The following PDGFC variants were observed in gnomAD, a reference collection of about 807,000 sequenced individuals.
PDGFC encodes the protein platelet derived growth factor C.
PDGFC carries 12 observed loss-of-function variants against 35.5 expected under a neutral mutation model. The ratio of observed to expected loss-of-function variants is 0.34; its 90% CI spans 0.22 to 0.55. The LOEUF (loss-of-function observed/expected upper bound fraction) is 0.55, where lower values mean the gene tolerates loss of function less well. Ranked by LOEUF, PDGFC falls within the 20% of genes least tolerant of loss-of-function variation. The pLI, the probability that PDGFC is intolerant of heterozygous loss-of-function variation, is 0.91. For synonymous variants in PDGFC, 159 were observed against 148.8 expected (o/e 1.07, Z -0.50); for missense variants, 322 against 412.4 (o/e 0.78, Z 1.90).
intron 1 of PDGFC, among the ~76,000 whole-genome samples, chr4:156,868,663 CAGTTTTCTATCAGTGAACCACCTGCT>C (rs1729904780): frequency 6.6e-6 from 1 of 152,156 alleles, no homozygotes; most frequent in Admixed American, 6.5e-5. Flanking sequence ...ACTGTTATAA[CAGTTTTCTATCAGTGAACCACCTGCT>C]AGTTCTTAAT....
chr4:156,936,522 T>C (rs1731687414), intron 1 of PDGFC, among the ~76,000 whole-genome samples: 1 of 152,228 alleles, frequency 6.6e-6, no homozygotes, highest in South Asian at 2.1e-4. Context: ...AGCACTCAGC[T>C]TTCTGTTCTT....
At chr4:156,917,898 A>T (rs1413755274) in intron 1 of PDGFC, among the ~76,000 whole-genome samples, 2 of 152,220 alleles carry the variant, frequency 1.3e-5, no homozygotes, top group Admixed American at 1.3e-4. Flanking sequence ...TATCTGTTTC[A>T]ACATTCAGGA....
intron 3 of PDGFC, among the ~76,000 whole-genome samples, chr4:156,784,655 C>T (rs1380907375): frequency 3.9e-5 from 6 of 152,002 alleles, no homozygotes; most frequent in African/African-American, 7.2e-5. Context: ...TACAGAAATA[C>T]GTGTATATTT....
chr4:156,801,817 C>A (rs1731619503), intron 3 of PDGFC, among the ~76,000 whole-genome samples: 1 of 152,140 alleles, frequency 6.6e-6, no homozygotes, highest in South Asian at 2.1e-4. Context: ...AATAAAAACT[C>A]AGAACCCCAA....
chr4:156,835,176 C>T (rs1025878844), intron 2 of PDGFC, among the ~76,000 whole-genome samples: 8 of 152,002 alleles, frequency 5.3e-5, no homozygotes, highest in Admixed American at 6.6e-5. Context: ...AAGCATTTAC[C>T]ATTTAAAACT....
rs542014024 is a variant in PDGFC, at chr4:156,870,608, C to T, written c.119-20192G>A. 4.6e-5 allele frequency among the ~76,000 whole-genome samples: 7 copies of T among 152,066 alleles called. No homozygotes were observed. The South Asian group carries it at 6.2e-4, about 14-fold the overall frequency. On this transcript the variant is annotated intron_variant, in intron 1 of 5. Coordinates refer to ENST00000502773, the MANE Select transcript of PDGFC (RefSeq NM_016205.3). The stretch of plus-strand genomic sequence containing the variant: ...CTCACTTATAAATAAATTAATATTA[C>T]GAAGACACTTCCACAAGGCTTATTA...
rs192777660 is a variant in PDGFC, at chr4:156,797,597, C to T, written c.495+13240G>A. On this transcript the variant is annotated intron_variant, in intron 3 of 5. Transcript: ENST00000502773. ...ACACATTAAATACAATAAACACCAA[C>T]GATAGCTGATGAGCTACAATAATGA... Among the ~76,000 whole-genome samples the T allele has an allele frequency of 7.9e-5, 12 of 152,246 alleles. No homozygotes were observed. The East Asian group carries it at 9.7e-4, about 12-fold the overall frequency.
intron 1 of PDGFC, among the ~76,000 whole-genome samples, chr4:156,852,227 A>C (rs1232994441): frequency 1.3e-5 from 2 of 152,230 alleles, no homozygotes. Context: ...CACAACACTG[A>C]ACACTGTATT....
In PDGFC at chr4:156,774,331, C is replaced by CAA. The variant is rs1361735406; in HGVS notation, c.496-1440_496-1439dup. ...TAAATCTGTCCCCATACCTGACATG[C>CAA]AAAAACTCTCCCCCCGTTGATCCAC... On this transcript the variant is annotated intron_variant, in intron 3 of 5. Transcript: ENST00000502773. 3 of 152,238 alleles carry CAA rather than the reference C, an allele frequency of 2.0e-5. No homozygotes were observed. The East Asian group carries it at 5.8e-4, about 29-fold the overall frequency. 9.4% of individuals were successfully genotyped at this position (152,238 alleles called of 1,614,324 possible). A position where few individuals can be genotyped will look rare whatever the true frequency, so the allele number is the denominator to read the frequency against.
chr4:156,911,987 G>C (rs933551108), intron 1 of PDGFC, among the ~76,000 whole-genome samples: 1 of 152,010 alleles, frequency 6.6e-6, no homozygotes, highest in African/African-American at 2.4e-5. Flanking sequence ...TTTGGTCAAG[G>C]TTTCAATATT....
intron 1 of PDGFC, among the ~76,000 whole-genome samples, chr4:156,946,342 T>A (rs933422909): frequency 3.9e-5 from 6 of 152,070 alleles, no homozygotes; most frequent in African/African-American, 1.4e-4. Flanking sequence ...ATATAAAAAG[T>A]ATAACTTAGG....
At chr4:156,892,141 A>G (rs1019393296) in intron 1 of PDGFC, among the ~76,000 whole-genome samples, 6 of 152,198 alleles carry the variant, frequency 3.9e-5, no homozygotes, top group Non-Finnish European at 8.8e-5. Flanking sequence ...AAAATACCTA[A>G]TTTTTATAAA....
intron 1 of PDGFC, among the ~76,000 whole-genome samples, chr4:156,949,943 A>T (rs1732039994): frequency 6.6e-6 from 1 of 151,944 alleles, no homozygotes; most frequent in Admixed American, 6.6e-5. Flanking sequence ...AACAGGAAAT[A>T]AAAATAGCTT....
At chr4:156,925,863 C>A (rs865967511) in intron 1 of PDGFC, among the ~76,000 whole-genome samples, 1 of 151,152 alleles carries the variant, frequency 6.6e-6, no homozygotes, top group Non-Finnish European at 1.5e-5. Flanking sequence ...CCAGCCTGGG[C>A]AACAGGGTGA....
chr4:156,961,060 T>C (rs1732331580), intron 1 of PDGFC, among the ~76,000 whole-genome samples: 1 of 152,128 alleles, frequency 6.6e-6, no homozygotes, highest in African/African-American at 2.4e-5. Context: ...TTTGTTCACA[T>C]CTTATATTTT....
At chr4:156,805,008 CA>C (rs1731721100) in intron 3 of PDGFC, among the ~76,000 whole-genome samples, 1 of 151,954 alleles carries the variant, frequency 6.6e-6, no homozygotes, top group Non-Finnish European at 1.5e-5. Context: ...AACTACAAAT[CA>C]TAGCATCTGT....
At chr4:156,801,422 A>T (rs945391412) in intron 3 of PDGFC, among the ~76,000 whole-genome samples, 4 of 152,158 alleles carry the variant, frequency 2.6e-5, no homozygotes, top group African/African-American at 9.7e-5. Context: ...TGGGCACTTG[A>T]CAAAAAGAGC....
intron 3 of PDGFC, among the ~76,000 whole-genome samples, chr4:156,803,854 C>G (rs1731682265): frequency 6.6e-6 from 1 of 152,118 alleles, no homozygotes; most frequent in Non-Finnish European, 1.5e-5. Flanking sequence ...TATTCCAGAA[C>G]TGTGCTTCAA....
intron 1 of PDGFC, among the ~76,000 whole-genome samples, chr4:156,880,549 T>A (rs1223158268): frequency 2.6e-5 from 4 of 152,218 alleles, no homozygotes; most frequent in African/African-American, 9.6e-5. Flanking sequence ...TCATGCCTGC[T>A]AACACAACAA....
Sources: gnomAD v4.1 joint callset for allele counts (sites outside exome capture counted in the v4.1 genomes callset) on GRCh38, gnomAD v4.1.1 for gene constraint, MANE v1.5 for transcripts, NCBI Gene and HGNC (gene_info 2026-07-23, HGNC 2026-07-21) for gene names.